SUGCT: variants seen among roughly 807,000 people sequenced by gnomAD.
SUGCT encodes succinyl-CoA:glutarate CoA-transferase.
A neutral mutation model predicts 55.0 loss-of-function variants in SUGCT; 41 were observed. The observed-to-expected ratio is 0.74, with a 90% CI of 0.58 to 0.97. SUGCT has a LOEUF of 0.97. SUGCT is among the 50% of genes least tolerant of loss of function. The pLI is 0.00. For missense variants in SUGCT, 568 were observed against 547.8 expected (o/e 1.04, Z -0.37); for synonymous variants, 187 against 200.4 (o/e 0.93, Z 0.56).
chr7:40,544,762 G>A (rs2151627195), intron 12 of SUGCT, among the ~76,000 whole-genome samples: 1 of 152,228 alleles, frequency 6.6e-6, no homozygotes, highest in East Asian at 1.9e-4. Context: ...AATCAGTTTA[G>A]TATACTGTTA....
At chr7:40,993,950 T>A in the SUGCT span, among the ~76,000 whole-genome samples, 2 of 152,174 alleles carry the variant, frequency 1.3e-5, no homozygotes, top group African/African-American at 2.4e-5. Context: ...CTGTAAAGGA[T>A]TGTAGGGACA....
At chr7:40,514,114 T>G (rs1254890825) in intron 12 of SUGCT, among the ~76,000 whole-genome samples, 1 of 152,028 alleles carries the variant, frequency 6.6e-6, no homozygotes, top group East Asian at 1.9e-4. Flanking sequence ...TTATGCAAAC[T>G]TTAGTACAAG....
the SUGCT span, among the ~76,000 whole-genome samples, chr7:40,872,062 A>G: frequency 1.3e-5 from 2 of 152,064 alleles, no homozygotes; most frequent in Admixed American, 1.3e-4. Flanking sequence ...GCATCCAGGG[A>G]GTAGAAGCTG....
chr7:40,328,166 G>A (rs1402321632), intron 9 of SUGCT, among the ~76,000 whole-genome samples: 1 of 152,096 alleles, frequency 6.6e-6, no homozygotes, highest in East Asian at 1.9e-4. Context: ...CAATTCAAGA[G>A]GTATAAACAA....
chr7:40,586,998 G>C (rs529898365), intron 12 of SUGCT, among the ~76,000 whole-genome samples: 1 of 152,210 alleles, frequency 6.6e-6, no homozygotes, highest in Non-Finnish European at 1.5e-5. Flanking sequence ...CAACATGGAT[G>C]AATCACAAAT....
the SUGCT span, among the ~76,000 whole-genome samples, chr7:40,877,580 T>TC: frequency 6.6e-6 from 1 of 152,248 alleles, no homozygotes; most frequent in Admixed American, 6.5e-5. Flanking sequence ...GTCCCAACTT[T>TC]CAAAACCAAA....
chr7:40,403,331 A>G (rs796248413), intron 9 of SUGCT, among the ~76,000 whole-genome samples: 17 of 152,310 alleles, frequency 1.1e-4, no homozygotes, highest in African/African-American at 4.1e-4. Context: ...GATACATAAC[A>G]TAAGACTTGT....
At chr7:40,585,496 A>C (rs1797327220) in intron 12 of SUGCT, among the ~76,000 whole-genome samples, 1 of 152,152 alleles carries the variant, frequency 6.6e-6, no homozygotes, top group South Asian at 2.1e-4. Flanking sequence ...GATTCTGTAG[A>C]TCTTTTGACA....
intron 13 of SUGCT, among the ~76,000 whole-genome samples, chr7:40,819,883 T>C (rs1186443964): frequency 2.0e-5 from 3 of 152,248 alleles, no homozygotes; most frequent in South Asian, 4.1e-4. Context: ...AGGGTTTTTA[T>C]GGTTTTAGGT....
intron 13 of SUGCT, among the ~76,000 whole-genome samples, chr7:40,777,179 C>T (rs1040997859): frequency 6.6e-6 from 1 of 152,176 alleles, no homozygotes; most frequent in Non-Finnish European, 1.5e-5. Context: ...TGTTCAGATT[C>T]ATGTTAACCA....
At chr7:40,548,255 C>G (rs1273893373) in intron 12 of SUGCT, among the ~76,000 whole-genome samples, 1 of 132,210 alleles carries the variant, frequency 7.6e-6, no homozygotes, top group African/African-American at 2.9e-5. Context: ...GTGGTACAAT[C>G]ATAGCTCACT....
the SUGCT span, among the ~76,000 whole-genome samples, chr7:41,024,957 G>A: frequency 7.9e-5 from 12 of 152,204 alleles, no homozygotes; most frequent in African/African-American, 2.7e-4. Flanking sequence ...TATATGCATA[G>A]GAGCTTACTA....
intron 9 of SUGCT, among the ~76,000 whole-genome samples, chr7:40,327,560 C>A (rs1021102593): frequency 6.6e-6 from 1 of 152,132 alleles, no homozygotes; most frequent in African/African-American, 2.4e-5. Flanking sequence ...CTCAGAATTC[C>A]CTCTGACATA....
intron 9 of SUGCT, among the ~76,000 whole-genome samples, chr7:40,377,127 CCT>C (rs1491455361): frequency 0.079 from 465 of 5,870 alleles, 143 homozygotes; most frequent in African/African-American, 0.12. Context: ...TTTCAGCCTT[CCT>C]CTTTCTTTCT....
chr7:41,010,853 T>C, the SUGCT span, among the ~76,000 whole-genome samples: 1 of 152,164 alleles, frequency 6.6e-6, no homozygotes, highest in African/African-American at 2.4e-5. Context: ...ATGGGATAAA[T>C]GTATTAAATT....
At chr7:40,148,735 G>A (rs893625437) in intron 1 of SUGCT, among the ~76,000 whole-genome samples, 1 of 152,232 alleles carries the variant, frequency 6.6e-6, no homozygotes, top group African/African-American at 2.4e-5. Context: ...TGAAGTTACA[G>A]AAAGAATGGG....
chr7:40,556,988 T>C (rs1795591616), intron 12 of SUGCT, among the ~76,000 whole-genome samples: 1 of 152,214 alleles, frequency 6.6e-6, no homozygotes, highest in Admixed American at 6.5e-5. Flanking sequence ...ACTAGTGTTT[T>C]TTACAGAAAT....
At chr7:40,774,068 G>A (rs1458615058) in intron 13 of SUGCT, among the ~76,000 whole-genome samples, 2 of 152,060 alleles carry the variant, frequency 1.3e-5, no homozygotes, top group Admixed American at 6.5e-5. Context: ...CAATACTTCC[G>A]AATTCAACCC....
At chr7:40,686,019 C>T (rs1200016419) in intron 12 of SUGCT, among the ~76,000 whole-genome samples, 1 of 152,206 alleles carries the variant, frequency 6.6e-6, no homozygotes, top group East Asian at 1.9e-4. Context: ...TATAGCTCAT[C>T]TATCCAATTG....
Sources: gnomAD v4.1 joint callset for allele counts (sites outside exome capture counted in the v4.1 genomes callset) on GRCh38, gnomAD v4.1.1 for gene constraint, MANE v1.5 for transcripts, NCBI Gene and HGNC (gene_info 2026-07-23, HGNC 2026-07-21) for gene names.